The following NELL2 variants were observed in gnomAD, a reference collection of about 807,000 sequenced individuals.
The protein encoded by NELL2 is neural EGFL like 2, also known as protein kinase C-binding protein NELL2.
In NELL2, 41 loss-of-function variants were observed where a neutral mutation model predicts 109.6. The observed-to-expected ratio is 0.37, with a 90% CI of 0.29 to 0.49. The LOEUF (loss-of-function observed/expected upper bound fraction) is 0.49. NELL2 is among the 20% of genes least tolerant of loss of function. The probability of loss-of-function intolerance (pLI) is 0.98; values close to 1 mark genes in which losing one functional copy is unlikely to be tolerated. For missense variants in NELL2, 900 were observed against 1,008.3 expected, an observed-to-expected ratio of 0.89 and a Z score of 1.45; for synonymous variants, 355 against 344.7, an observed-to-expected ratio of 1.03 and a Z score of -0.33.
At chr12:44,811,392 C>A (rs1324060384) in intron 3 of NELL2, among the ~76,000 whole-genome samples, 3 of 125,810 alleles carry the variant, frequency 2.4e-5, no homozygotes, top group South Asian at 2.7e-4. Context: ...TGCCAAAAAA[C>A]TGGCACAAAT....
intron 9 of NELL2, among the ~76,000 whole-genome samples, chr12:44,744,454 G>A (rs1940201533): frequency 6.6e-6 from 1 of 152,138 alleles, no homozygotes; most frequent in African/African-American, 2.4e-5. Flanking sequence ...TAATATCAGA[G>A]CAGAACTGAA....
rs192016423 is a variant in NELL2 at position 44,759,187 on chromosome 12, C to T, written c.994+15560G>A. Among the ~76,000 whole-genome samples, 48 of 152,262 alleles carry T rather than the reference C, an allele frequency of 3.2e-4. No homozygotes were observed. In the East Asian group the frequency reaches 6.4e-3, roughly 20 times the overall value. ...TCATCTTCATACCTTGCTCACTTTC[C>T]TCCCTCCTGAATCATCCTCACAGGG... On this transcript the variant is annotated intron_variant, in intron 9 of 19. Coordinates refer to ENST00000429094, the MANE Select transcript of NELL2 (RefSeq NM_001145108.2).
Position 44,876,038 on chromosome 12 carries a change from C to A in NELL2, c.-169G>T. ...GGTTGCCTAAGAAAGAAAAGGGAGG[C>A]CTCCCCAGGCGCGTGAAGAACTTAG... On this transcript the variant is annotated 5_prime_UTR_variant, in exon 1 of 20. Coordinates refer to ENST00000429094, the MANE Select transcript of NELL2 (RefSeq NM_001145108.2). 2 of 1,482,858 alleles carry A rather than the reference C, an allele frequency of 1.3e-6. No individual in the cohort carries two copies. The highest frequency in any genetic ancestry group is 8.9e-7 in the Non-Finnish European group (1 of 1,123,136). The allele number at this position is 1,482,858 out of a possible 1,614,324, so 91.9% of individuals were successfully genotyped here. A position where few individuals can be genotyped will look rare whatever the true frequency, so the allele number is the denominator to read the frequency against.
At chr12:44,841,380 G>C (rs1176639149) in intron 2 of NELL2, among the ~76,000 whole-genome samples, 1 of 152,132 alleles carries the variant, frequency 6.6e-6, no homozygotes, top group Non-Finnish European at 1.5e-5. Context: ...TCCTCACAAA[G>C]GGACAGCATA....
intron 1 of NELL2, among the ~76,000 whole-genome samples, chr12:44,891,223 T>C (rs1407694802): frequency 6.6e-6 from 1 of 152,148 alleles, no homozygotes; most frequent in African/African-American, 2.4e-5. Flanking sequence ...CTACAGCTTT[T>C]TGAGTTTACT....
intron 18 of NELL2, 40 bp from the exon 19 acceptor site, chr12:44,520,269 A>C (rs2138979973): frequency 6.5e-7 from 1 of 1,532,994 alleles, no homozygotes; most frequent in East Asian, 2.3e-5. Flanking sequence ...AGGGAGAGGG[A>C]GGAGGAAATG....
intron 2 of NELL2, among the ~76,000 whole-genome samples, chr12:44,858,885 T>A (rs1944757965): frequency 1.3e-5 from 2 of 152,208 alleles, no homozygotes; most frequent in African/African-American, 4.8e-5. Flanking sequence ...TGATAAGTAC[T>A]TCAAAATAGA....
rs1198393482 is a variant in NELL2, at chr12:44,791,106, T to C, written c.336-11084A>G. Among the ~76,000 whole-genome samples the C allele has an allele frequency of 1.6e-4, 4 of 25,398 alleles. 1 individual carries two copies. The highest frequency in any genetic ancestry group is 3.2e-4 in the Non-Finnish European group (4 of 12,494). The allele number at this position is 25,398 out of a possible 152,430, so 16.7% of individuals were successfully genotyped here. A position where few individuals can be genotyped will look rare whatever the true frequency, so the allele number is the denominator to read the frequency against. ...ACATATATATATATATGTATATATA[T>C]ATGTATATATATATGTATATATATA... On this transcript the variant is annotated intron_variant, in intron 3 of 19. Coordinates refer to ENST00000429094, the MANE Select transcript of NELL2 (RefSeq NM_001145108.2).
chr12:44,863,664 T>C (rs1284900778), intron 2 of NELL2, among the ~76,000 whole-genome samples: 1 of 151,406 alleles, frequency 6.6e-6, no homozygotes, highest in Non-Finnish European at 1.5e-5. Flanking sequence ...CTAAAGGGAG[T>C]TCTTCAAGCT....
Position 44,565,891 on chromosome 12 carries a change from T to C in NELL2, c.1664-33170A>G, listed in dbSNP as rs370471946. On this transcript the variant is annotated intron_variant, in intron 15 of 19. Coordinates refer to ENST00000429094, the MANE Select transcript of NELL2 (RefSeq NM_001145108.2). ...GCAAGTGGGAGTAGGATTTTGAGGA[T>C]TGCACATTCCTAAGAAGCTTAGACT... 9.9e-5 allele frequency among the ~76,000 whole-genome samples: 15 copies of C among 152,202 alleles called. No individual in the cohort carries two copies. The South Asian group carries it at 1.7e-3, about 17-fold the overall frequency.
intron 3 of NELL2, among the ~76,000 whole-genome samples, chr12:44,806,092 T>G (rs1338636620): frequency 3.4e-5 from 5 of 148,288 alleles, no homozygotes; most frequent in Non-Finnish European, 7.5e-5. Context: ...AGACTGCACA[T>G]CATTTAAGAA....
chr12:44,824,215 A>C (rs949963361), intron 2 of NELL2, among the ~76,000 whole-genome samples: 4 of 152,206 alleles, frequency 2.6e-5, no homozygotes, highest in Non-Finnish European at 4.4e-5. Flanking sequence ...CATTCTGTAC[A>C]TTGTTTCTCC....
At chr12:44,601,854 A>G (rs1307003310) in intron 15 of NELL2, among the ~76,000 whole-genome samples, 1 of 152,180 alleles carries the variant, frequency 6.6e-6, no homozygotes, top group Non-Finnish European at 1.5e-5. Flanking sequence ...GAAAAGGGTC[A>G]CATAGCTGGC....
At chr12:44,838,098 C>T (rs1944110928) in intron 2 of NELL2, among the ~76,000 whole-genome samples, 1 of 152,124 alleles carries the variant, frequency 6.6e-6, no homozygotes, top group African/African-American at 2.4e-5. Context: ...ATAGAGTTTA[C>T]CTTTCTCACT....
intron 15 of NELL2, among the ~76,000 whole-genome samples, chr12:44,566,199 T>C (rs1943651019): frequency 6.6e-6 from 1 of 152,112 alleles, no homozygotes; most frequent in South Asian, 2.1e-4. Context: ...TGTGATGTAG[T>C]GAGTGAGTGA....
At chr12:44,898,121 G>GA (rs1268990750) in intron 1 of NELL2, among the ~76,000 whole-genome samples, 1 of 152,172 alleles carries the variant, frequency 6.6e-6, no homozygotes, top group African/African-American at 2.4e-5. Context: ...GGGGCTTATA[G>GA]AAAAAACTCC....
intron 9 of NELL2, among the ~76,000 whole-genome samples, chr12:44,745,238 A>C (rs1339547306): frequency 6.6e-6 from 1 of 150,534 alleles, no homozygotes; most frequent in South Asian, 2.1e-4. Flanking sequence ...AAGGCCTTTG[A>C]CAAAATTCAA....
intron 1 of NELL2, among the ~76,000 whole-genome samples, chr12:44,900,197 G>T (rs1241936793): frequency 6.6e-6 from 1 of 152,102 alleles, no homozygotes; most frequent in East Asian, 1.9e-4. Flanking sequence ...ATATTAGACA[G>T]ATCAACGAGA....
intron 9 of NELL2, among the ~76,000 whole-genome samples, chr12:44,722,454 C>T (rs1293276505): frequency 4.6e-5 from 7 of 152,326 alleles, no homozygotes; most frequent in Middle Eastern, 3.4e-3. Flanking sequence ...GTGTGAGCCA[C>T]CACACCCCAC....
Sources: allele counts gnomAD v4.1 joint callset (sites outside exome capture counted in the v4.1 genomes callset), GRCh38; gene constraint gnomAD v4.1.1; transcripts MANE v1.5; gene names NCBI Gene and HGNC (gene_info 2026-07-23, HGNC 2026-07-21).